Variants in SUCLA2 observed in about 807,000 individuals in gnomAD.
The protein encoded by SUCLA2 is succinate-CoA ligase ADP-forming subunit beta, also known as succinate--CoA ligase [ADP-forming] subunit beta, mitochondrial.
Under a neutral mutation model 54.8 loss-of-function variants are expected in SUCLA2, and 30 were observed. That is an observed-to-expected ratio of 0.55 (90% CI 0.41 to 0.74). The LOEUF (loss-of-function observed/expected upper bound fraction) is 0.74. Ranked by LOEUF, SUCLA2 falls within the 30% of genes least tolerant of loss-of-function variation. The pLI is 0.00. For missense variants in SUCLA2, 476 were observed against 562.9 expected, an observed-to-expected ratio of 0.85 and a Z score of 1.56; for synonymous variants, 172 against 188.9, an observed-to-expected ratio of 0.91 and a Z score of 0.74.
At chr13:47,948,239 T>A (rs1046561813) in intron 10 of SUCLA2, among the ~76,000 whole-genome samples, 2 of 152,198 alleles carry the variant, frequency 1.3e-5, no homozygotes, top group African/African-American at 4.8e-5. Flanking sequence ...GACCGTTGTT[T>A]AAGATGATCA....
rs11445752 is a variant in SUCLA2, at chr13:47,989,213, C to CT, written c.272-233dup. 0.71 allele frequency among the ~76,000 whole-genome samples: 102,201 copies of CT among 143,658 alleles called. 37,012 individuals are homozygous for CT. The highest frequency in any genetic ancestry group is 0.8 in the Non-Finnish European group (52,850 of 66,284). The allele number at this position is 143,658 out of a possible 152,430, so 94.2% of individuals were successfully genotyped here. On this transcript the variant is annotated intron_variant, in intron 2 of 10. Transcript: ENST00000646932. ...ATTCGTCACTTACATTAAACCATTT[C>CT]TTTTTTTTTTTTTTTGAAACAGAGT...
chr13:47,987,070 C>T (rs1950110151), intron 4 of SUCLA2, among the ~76,000 whole-genome samples: 1 of 152,262 alleles, frequency 6.6e-6, no homozygotes, highest in Non-Finnish European at 1.5e-5. Flanking sequence ...GTATTTTTAA[C>T]CTGAATTATA....
Position 47,999,508 on chromosome 13 carries a change from C to T in SUCLA2, c.90+1672G>A, listed in dbSNP as rs769576091. On this transcript the variant is annotated intron_variant, in intron 1 of 10. Transcript: ENST00000646932. ...GGATCACGAGGTCAGGAGATCGAGA[C>T]CGTCCTGGCTAACACGGTGAAACCC... 1.3e-5 allele frequency among the ~76,000 whole-genome samples: 2 copies of T among 152,022 alleles called. 1 individual carries two copies. The highest frequency in any genetic ancestry group is 3.9e-4 in the East Asian group (2 of 5,178).
intron 10 of SUCLA2, among the ~76,000 whole-genome samples, chr13:47,946,251 G>A (rs912396335): frequency 1.3e-5 from 2 of 152,148 alleles, no homozygotes; most frequent in Non-Finnish European, 2.9e-5. Context: ...AGGAATATAT[G>A]TACAGGAAGA....
intron 4 of SUCLA2, among the ~76,000 whole-genome samples, chr13:47,975,237 T>C (rs1426544925): frequency 7.9e-5 from 12 of 151,944 alleles, no homozygotes; most frequent in Admixed American, 7.9e-4. Context: ...CTCAGCTCAC[T>C]GCAACCTCCG....
intron 6 of SUCLA2, among the ~76,000 whole-genome samples, chr13:47,960,453 A>G (rs1325400625): frequency 6.6e-6 from 1 of 152,226 alleles, no homozygotes; most frequent in Non-Finnish European, 1.5e-5. Context: ...AGTTCTGAAC[A>G]GTACATTATA....
In SUCLA2 at chr13:47,973,305, T is replaced by C. The variant is rs1949983545; in HGVS notation, c.622A>G (p.Ile208Val). Residue 208 changes from isoleucine to valine, a missense_variant, in exon 5 of 11, where the codon ATT becomes GTT. By Grantham distance (29) the Ile-to-Val change is conservative. Around this residue, in one of 2 missense-constraint regions of SUCLA2, gnomAD observed 342 missense variants for 444.2 expected, o/e 0.77. Coordinates refer to ENST00000646932, the MANE Select transcript of SUCLA2 (RefSeq NM_003850.3). Reference sequence around the variant, plus strand: ...TTTTTGATGCCTTCTTCAATATCAATAGGTTCTTTAATTATTGCTTCAGGA... The same window carrying C: ...TTTTTGATGCCTTCTTCAATATCAACAGGTTCTTTAATTATTGCTTCAGGA... ...ESPEAIIKEP[I>V]DIEEGIKKEQ... 3 of 1,613,646 alleles carry C rather than the reference T, an allele frequency of 1.9e-6. No individual in the cohort carries two copies. The highest frequency in any genetic ancestry group is 2.5e-6 in the Non-Finnish European group (3 of 1,179,756).
chr13:47,950,727 T>A (rs779268810), intron 8 of SUCLA2, among the ~76,000 whole-genome samples: 10 of 152,106 alleles, frequency 6.6e-5, no homozygotes, highest in Non-Finnish European at 1.2e-4. Flanking sequence ...TAAAATGCAT[T>A]GTAGATACAC....
chr13:47,962,715 G>C (rs1170414685), intron 6 of SUCLA2, among the ~76,000 whole-genome samples: 1 of 152,160 alleles, frequency 6.6e-6, no homozygotes, highest in African/African-American at 2.4e-5. Context: ...GCATGAAGCA[G>C]CCAGAAAGAC....
chr13:47,947,851 G>A (rs78001995), intron 10 of SUCLA2, among the ~76,000 whole-genome samples: 5 of 152,192 alleles, frequency 3.3e-5, no homozygotes, highest in Non-Finnish European at 7.4e-5. Context: ...CATCAACCTG[G>A]ATTTTTCAAC....
At chr13:47,995,017 C>T (rs1950179701) in intron 2 of SUCLA2, 1 of 232,542 alleles carries the variant, frequency 4.3e-6, no homozygotes, top group Non-Finnish European at 7.1e-6. Context: ...AATGGAATTT[C>T]ACTAAATGAG....
At chr13:48,000,479 A>C (rs1306391276) in intron 1 of SUCLA2, among the ~76,000 whole-genome samples, 1 of 152,210 alleles carries the variant, frequency 6.6e-6, no homozygotes, top group Admixed American at 6.5e-5. Context: ...GTTGCTGAAA[A>C]ACCTGAGAAA....
chr13:47,961,222 T>A (rs989149938), intron 6 of SUCLA2, among the ~76,000 whole-genome samples: 1 of 152,216 alleles, frequency 6.6e-6, no homozygotes, highest in Non-Finnish European at 1.5e-5. Context: ...AATGTTTGTG[T>A]AATATTAAGA....
intron 4 of SUCLA2, 48 bp downstream of exon 4, chr13:47,988,493 T>G: frequency 6.3e-7 from 1 of 1,597,616 alleles, no homozygotes; most frequent in Non-Finnish European, 8.6e-7. Flanking sequence ...CTTTTGAAAT[T>G]GAATGTCATA....
In SUCLA2 at chr13:47,975,550, C is replaced by T. The variant is rs188578218; in HGVS notation, c.535-2158G>A. On this transcript the variant is annotated intron_variant, in intron 4 of 10. Transcript: ENST00000646932. ...ATTGCATTCATTACTGTTTAGAGAA[C>T]GAAACAGTCCTTCAAATACTTAAAA... 1.5e-4 allele frequency among the ~76,000 whole-genome samples: 22 copies of T among 151,632 alleles called. No individual in the cohort carries two copies. The East Asian group carries it at 1.7e-3, about 12-fold the overall frequency.
At chr13:47,972,540 G>A (rs1221829954) in intron 5 of SUCLA2, among the ~76,000 whole-genome samples, 2 of 151,282 alleles carry the variant, frequency 1.3e-5, no homozygotes, top group Non-Finnish European at 2.9e-5. Flanking sequence ...GTGTTGGCAG[G>A]TGCCTGTAGT....
chr13:47,949,536 A>G lies in SUCLA2; in HGVS notation c.1175T>C (p.Val392Ala). The G allele has an allele frequency of 6.2e-7, 1 of 1,613,656 alleles. No individual in the cohort carries two copies. Among genetic ancestry groups the G allele is most frequent in the South Asian group, 1.1e-5 (1 of 91,076 alleles). Reference protein sequence around the residue: ...MRCDVIAQGIVMAVKDLEIKI... With the variant: ...MRCDVIAQGIAMAVKDLEIKI... ...AATTTCCAAGTCTTTTACTGCCATGACTATACCCTGTGCAATAACATCACA... is the reference window on the plus strand; with the variant it reads ...AATTTCCAAGTCTTTTACTGCCATGGCTATACCCTGTGCAATAACATCACA... The change falls in exon 9 of 11, where the codon GTC (valine) becomes GCC (alanine). Residue 392 changes from valine to alanine, a missense_variant. This residue lies in a region of SUCLA2 where 342 missense variants were observed against 444.2 expected (regional missense o/e 0.77). Transcript: ENST00000646932.
chr13:47,975,736 T>C (rs1593492815), intron 4 of SUCLA2, among the ~76,000 whole-genome samples: 1 of 152,190 alleles, frequency 6.6e-6, no homozygotes, highest in African/African-American at 2.4e-5. Flanking sequence ...TGGAAGTAAC[T>C]TCTAAACCCT....
At chr13:47,960,731 T>A (rs1949864105) in intron 6 of SUCLA2, among the ~76,000 whole-genome samples, 1 of 151,950 alleles carries the variant, frequency 6.6e-6, no homozygotes, top group Non-Finnish European at 1.5e-5. Flanking sequence ...GACTTTCTAG[T>A]GACTTTTGAT....
Sources: allele counts gnomAD v4.1 joint callset (sites outside exome capture counted in the v4.1 genomes callset), GRCh38; gene constraint gnomAD v4.1.1; regional missense constraint gnomAD v4.1.1; transcripts MANE v1.5; gene names NCBI Gene and HGNC (gene_info 2026-07-23, HGNC 2026-07-21).